The following TEX9 variants were observed in gnomAD, a reference collection of about 807,000 sequenced individuals.
The protein encoded by TEX9 is testis expressed 9, also known as testis-expressed protein 9.
In TEX9, 74 loss-of-function variants were observed where a neutral mutation model predicts 59.6. That is an observed-to-expected ratio of 1.24 (90% CI 1.03 to 1.51). The LOEUF (loss-of-function observed/expected upper bound fraction) is 1.51. Ranked by LOEUF, TEX9 falls within the 40% of genes most tolerant of loss-of-function variation. TEX9 has a pLI of 0.00. For synonymous variants in TEX9, 186 were observed against 152.2 expected, an observed-to-expected ratio of 1.22 and a Z score of -1.64; for missense variants, 522 against 447.8, an observed-to-expected ratio of 1.17 and a Z score of -1.49.
chr15:56,342,721 A>C (rs1232248297), intron 1 of TEX9, among the ~76,000 whole-genome samples: 1 of 152,184 alleles, frequency 6.6e-6, no homozygotes, highest in Non-Finnish European at 1.5e-5. Context: ...CCACAAGGAC[A>C]AATGTGGTTT....
chr15:56,289,663 G>T (rs1401091939), intron 1 of TEX9, among the ~76,000 whole-genome samples: 2 of 152,174 alleles, frequency 1.3e-5, no homozygotes, highest in Non-Finnish European at 2.9e-5. Context: ...GTTTCTCTTG[G>T]CACTGGGTCT....
At chr15:56,343,030 C>A (rs1317835440) in intron 1 of TEX9, among the ~76,000 whole-genome samples, 1 of 152,024 alleles carries the variant, frequency 6.6e-6, no homozygotes, top group Non-Finnish European at 1.5e-5. Context: ...CAAAAGGCTA[C>A]TGAAGCAAGA....
At chr15:56,319,127 A>G (rs2713901) in intron 1 of TEX9, among the ~76,000 whole-genome samples, 4,643 of 152,084 alleles carry the variant, frequency 0.031, 179 homozygotes, top group East Asian at 0.094. Flanking sequence ...AATCTGTATC[A>G]TCCATCTGTA....
chr15:56,282,265 A>G (rs1037654935), intron 1 of TEX9, among the ~76,000 whole-genome samples: 22 of 152,082 alleles, frequency 1.4e-4, no homozygotes, highest in Non-Finnish European at 2.5e-4. Flanking sequence ...CAATCATCTC[A>G]ACAGATGCCA....
chr15:56,300,697 GA>G (rs58326623), intron 1 of TEX9, among the ~76,000 whole-genome samples: 10,978 of 133,414 alleles, frequency 0.082, 470 homozygotes, highest in Middle Eastern at 0.13. Context: ...GAGAGAGAGA[GA>G]GAGAGAGAGG....
intron 1 of TEX9, among the ~76,000 whole-genome samples, chr15:56,255,912 G>A (rs1446072948): frequency 6.6e-6 from 1 of 151,992 alleles, no homozygotes; most frequent in Non-Finnish European, 1.5e-5. Flanking sequence ...TGAATGCATA[G>A]TCTCCTCAAA....
At chr15:56,252,410 A>G (rs1311029850) in intron 1 of TEX9, among the ~76,000 whole-genome samples, 1 of 127,044 alleles carries the variant, frequency 7.9e-6, no homozygotes, top group Non-Finnish European at 1.7e-5. Flanking sequence ...AGGCCACAAA[A>G]TAAAAGCAGA....
At chr15:56,289,956 C>G (rs2045049182) in intron 1 of TEX9, among the ~76,000 whole-genome samples, 4 of 152,190 alleles carry the variant, frequency 2.6e-5, no homozygotes, top group Admixed American at 2.6e-4. Flanking sequence ...GTCTAGCTCT[C>G]TATGGCAGCT....
chr15:56,458,692 C>T, the TEX9 span, among the ~76,000 whole-genome samples: 10 of 152,106 alleles, frequency 6.6e-5, no homozygotes, highest in Admixed American at 5.9e-4. Flanking sequence ...GTCACATAGT[C>T]GGAATTATAC....
chr15:56,314,127 G>C (rs1473630779), intron 1 of TEX9, among the ~76,000 whole-genome samples: 467 of 39,202 alleles, frequency 0.012, 4 homozygotes, highest in African/African-American at 0.029. Context: ...TTTTTTGAAG[G>C]GTTTTTTGTG....
intron 1 of TEX9, among the ~76,000 whole-genome samples, chr15:56,271,087 C>T (rs568950682): frequency 3.9e-5 from 6 of 152,096 alleles, no homozygotes; most frequent in Non-Finnish European, 4.4e-5. Flanking sequence ...TCATTTCAAC[C>T]TTGGTGAATC....
intron 1 of TEX9, among the ~76,000 whole-genome samples, chr15:56,247,209 T>G (rs1478662250): frequency 6.6e-6 from 1 of 152,240 alleles, no homozygotes; most frequent in African/African-American, 2.4e-5. Flanking sequence ...AGTATATACA[T>G]TTATCATGCC....
At chr15:56,429,831 G>A (rs2050522679) in intron 12 of TEX9, 2 of 152,124 alleles carry the variant, frequency 1.3e-5, no homozygotes, top group East Asian at 1.9e-4. Context: ...AAGGATAAAG[G>A]TCATTTTTGG....
In TEX9 at chr15:56,270,581, T is replaced by A. The variant is rs186564431; in HGVS notation, c.-107+26303T>A. On this transcript the variant is annotated intron_variant, in intron 1 of 5. Coordinates refer to the TEX9 transcript ENST00000560827. Reference sequence around the variant, plus strand: ...CAGCACACTGATGGGTCTTGACTCTTTATCCAATTTGCCAGTCTGTGTCTT... The same window carrying A: ...CAGCACACTGATGGGTCTTGACTCTATATCCAATTTGCCAGTCTGTGTCTT... Among the ~76,000 whole-genome samples, 697 of 152,348 alleles carry A rather than the reference T, an allele frequency of 4.6e-3. 7 individuals carry two copies. Among genetic ancestry groups the A allele is most frequent in the Non-Finnish European group, 7.9e-3 (535 of 68,032 alleles).
At chr15:56,253,514 A>C (rs1181860773) in intron 1 of TEX9, among the ~76,000 whole-genome samples, 1 of 152,148 alleles carries the variant, frequency 6.6e-6, no homozygotes, top group African/African-American at 2.4e-5. Flanking sequence ...AAGAAAGCCA[A>C]ATGACACTAG....
At chr15:56,391,511 G>C in intron 7 of TEX9, 93 bp downstream of exon 7, 1 of 840,010 alleles carries the variant, frequency 1.2e-6, no homozygotes, top group South Asian at 3.0e-5. Context: ...TTAAAAAAAT[G>C]TATTGTGATG....
At chr15:56,363,859 T>A (rs1320605043), upstream of TEX9, among the ~76,000 whole-genome samples, 1 of 151,062 alleles carries the variant, frequency 6.6e-6, no homozygotes, top group South Asian at 2.1e-4. Flanking sequence ...CCTTTTTTTT[T>A]TTTTGTAGAG....
exon 1 of TEX9, chr15:56,244,037 G>T (rs1448638831): frequency 1.1e-4 from 17 of 151,086 alleles, no homozygotes; most frequent in African/African-American, 4.1e-4. Context: ...CTGGGGGCCG[G>T]GAGGAGTCCG....
At chr15:56,276,807 G>A (rs560107271) in intron 1 of TEX9, among the ~76,000 whole-genome samples, 16 of 152,294 alleles carry the variant, frequency 1.1e-4, no homozygotes, top group Admixed American at 8.5e-4. Flanking sequence ...GTGTAAAAGC[G>A]TTCCTATTTC....
Sources: gnomAD v4.1 joint callset for allele counts (sites outside exome capture counted in the v4.1 genomes callset) on GRCh38, gnomAD v4.1.1 for gene constraint, MANE v1.5 for transcripts, NCBI Gene and HGNC (gene_info 2026-07-23, HGNC 2026-07-21) for gene names.